SLC30A7: variants seen among roughly 807,000 people sequenced by gnomAD.
SLC30A7 encodes zinc transporter 7.
Under a neutral mutation model 46.0 loss-of-function variants are expected in SLC30A7, and 35 were observed. The ratio of observed to expected loss-of-function variants is 0.76; its 90% confidence interval spans 0.58 to 1.01. The LOEUF is 1.01. Among genes scored for constraint, SLC30A7 ranks in the 50% least tolerant of loss-of-function variants. The pLI, the probability that SLC30A7 is intolerant of heterozygous loss-of-function variation, is 0.00. For synonymous variants in SLC30A7, 147 were observed against 157.8 expected (o/e 0.93, Z 0.51); for missense variants, 464 against 451.1 (o/e 1.03, Z -0.26).
chr1:100,903,233 T>C (rs1651420001), intron 2 of SLC30A7, among the ~76,000 whole-genome samples: 1 of 152,094 alleles, frequency 6.6e-6, no homozygotes. Flanking sequence ...AAGACAGTTT[T>C]CTGAAATCAA....
chr1:100,983,405 AC>A (rs66500852), downstream of SLC30A7, among the ~76,000 whole-genome samples: 1,762 of 120,680 alleles, frequency 0.015, 22 homozygotes, highest in Non-Finnish European at 0.025. Context: ...ACAAAACAAA[AC>A]AAAAAAAACT....
At chr1:100,992,497 T>C in the SLC30A7 span, 1 of 565,948 alleles carries the variant, frequency 1.8e-6, no homozygotes, top group Non-Finnish European at 2.9e-6. Context: ...TAAGTTAAAG[T>C]TGGACAAAAA....
At chr1:100,990,664 C>G in the SLC30A7 span, 1 of 1,590,402 alleles carries the variant, frequency 6.3e-7, no homozygotes, top group Non-Finnish European at 8.6e-7. Context: ...CTATTCAATT[C>G]AGCAAATGCA....
At chr1:100,973,059 A>G (rs542726975) in intron 10 of SLC30A7, among the ~76,000 whole-genome samples, 8 of 107,866 alleles carry the variant, frequency 7.4e-5, no homozygotes, top group Middle Eastern at 4.7e-3. Context: ...TTTCCACAGG[A>G]AAAAAAAAAA....
intron 10 of SLC30A7, among the ~76,000 whole-genome samples, chr1:100,970,272 G>A (rs1570597226): frequency 6.6e-6 from 1 of 152,018 alleles, no homozygotes; most frequent in Non-Finnish European, 1.5e-5. Flanking sequence ...GTTAAAAATT[G>A]TTTTGTTAAA....
chr1:100,984,107 C>A (rs989355002), downstream of SLC30A7, among the ~76,000 whole-genome samples: 3 of 152,150 alleles, frequency 2.0e-5, no homozygotes, highest in Admixed American at 6.5e-5. Flanking sequence ...AAAGCTTTGG[C>A]CAGGCAATCC....
At chr1:100,896,778 T>G (rs1650988285) in intron 2 of SLC30A7, 107 bp downstream of exon 2, 2 of 895,356 alleles carry the variant, frequency 2.2e-6, no homozygotes, top group East Asian at 5.3e-5. Flanking sequence ...GGTCCTACCT[T>G]TGTTACCTAC....
chr1:100,933,409 AT>A (rs959654305), intron 8 of SLC30A7, among the ~76,000 whole-genome samples: 29 of 149,698 alleles, frequency 1.9e-4, no homozygotes, highest in South Asian at 1.1e-3. Context: ...TGTCCTAACA[AT>A]TTTTTTTTTA....
chr1:100,995,224 A>G, the SLC30A7 span: 1 of 984,780 alleles, frequency 1.0e-6, no homozygotes, highest in Admixed American at 2.1e-5. Flanking sequence ...ACCTCAGTTA[A>G]GAGTCACCTA....
intron 8 of SLC30A7, chr1:100,941,711 C>A (rs562660900): frequency 1.6e-6 from 1 of 643,536 alleles, no homozygotes; most frequent in Non-Finnish European, 2.9e-6. Flanking sequence ...GGTTCCACAA[C>A]TCTTCCATCC....
downstream of SLC30A7, among the ~76,000 whole-genome samples, chr1:100,982,730 T>G (rs113411317): frequency 6.4e-3 from 970 of 152,322 alleles, 16 homozygotes; most frequent in African/African-American, 0.02. Context: ...GGCTTTGGCC[T>G]GGAGTACAAG....
chr1:100,926,270 T>C (rs1653299984), intron 8 of SLC30A7, among the ~76,000 whole-genome samples: 1 of 152,188 alleles, frequency 6.6e-6, no homozygotes, highest in Non-Finnish European at 1.5e-5. Flanking sequence ...GCTATAAAGA[T>C]ATACCTGAGA....
At chr1:100,964,259 A>AATATATGTTATATAACCTATAAC (rs779868664) in intron 9 of SLC30A7, among the ~76,000 whole-genome samples, 1 of 89,962 alleles carries the variant, frequency 1.1e-5, no homozygotes, top group African/African-American at 4.2e-5. Flanking sequence ...ATATATACAC[A>AATATATGTTATATAACCTATAAC]ATATATGTTA....
At chr1:100,940,782 C>T (rs554093929) in intron 8 of SLC30A7, among the ~76,000 whole-genome samples, 3 of 152,188 alleles carry the variant, frequency 2.0e-5, no homozygotes, top group Non-Finnish European at 4.4e-5. Flanking sequence ...TTTACACTTT[C>T]CACAGAACAT....
intron 8 of SLC30A7, among the ~76,000 whole-genome samples, chr1:100,950,979 T>G (rs1008529660): frequency 3.3e-5 from 5 of 152,204 alleles, no homozygotes; most frequent in African/African-American, 1.2e-4. Flanking sequence ...GGAGCTTAAG[T>G]TGCTGAGTAA....
intron 8 of SLC30A7, among the ~76,000 whole-genome samples, chr1:100,944,429 T>C (rs1159085011): frequency 6.6e-6 from 1 of 152,226 alleles, no homozygotes; most frequent in Non-Finnish European, 1.5e-5. Flanking sequence ...GAAAAGCATA[T>C]TGAGATTTTT....
At chr1:100,933,558 C>T (rs914181496) in intron 8 of SLC30A7, among the ~76,000 whole-genome samples, 10 of 151,902 alleles carry the variant, frequency 6.6e-5, no homozygotes. Context: ...TAATGCTATC[C>T]CTCCCCACTC....
At chr1:100,958,351 T>C (rs1013053886) in intron 8 of SLC30A7, among the ~76,000 whole-genome samples, 2 of 152,150 alleles carry the variant, frequency 1.3e-5, no homozygotes, top group Non-Finnish European at 2.9e-5. Flanking sequence ...TAATTTTTTA[T>C]ATTTTTAGTG....
downstream of SLC30A7, among the ~76,000 whole-genome samples, chr1:100,984,661 C>A (rs78695142): frequency 3.0e-4 from 45 of 152,284 alleles, no homozygotes; most frequent in East Asian, 8.7e-3. Context: ...AGGTTGGTTG[C>A]CTGCTCAAAC....
Sources: gnomAD v4.1 joint callset for allele counts (sites outside exome capture counted in the v4.1 genomes callset) on GRCh38, gnomAD v4.1.1 for gene constraint, MANE v1.5 for transcripts, NCBI Gene and HGNC (gene_info 2026-07-23, HGNC 2026-07-21) for gene names.